The following UHRF2 variants were observed in gnomAD, a reference collection of about 807,000 sequenced individuals.
The protein encoded by UHRF2 is E3 ubiquitin-protein ligase UHRF2.
A neutral mutation model predicts 96.8 loss-of-function variants in UHRF2; 23 were observed. The observed-to-expected ratio is 0.24, with a 90% CI of 0.17 to 0.34. The LOEUF is 0.34. Among genes scored for constraint, UHRF2 ranks in the 10% least tolerant of loss-of-function variants. The pLI, the probability that UHRF2 is intolerant of heterozygous loss-of-function variation, is 1.00. For synonymous variants in UHRF2, 385 were observed against 332.6 expected (o/e 1.16, Z -1.72); for missense variants, 685 against 981.5 (o/e 0.70, Z 4.04).
At chr9:6,478,862 CAT>C (rs1029172931) in intron 6 of UHRF2, among the ~76,000 whole-genome samples, 31 of 152,306 alleles carry the variant, frequency 2.0e-4, no homozygotes, top group African/African-American at 7.0e-4. Flanking sequence ...ACTACTACCT[CAT>C]ATGATCACAC....
intron 9 of UHRF2, among the ~76,000 whole-genome samples, chr9:6,493,364 C>A (rs1824782749): frequency 6.6e-6 from 1 of 151,852 alleles, no homozygotes; most frequent in Admixed American, 6.6e-5. Flanking sequence ...ATTGTCAATG[C>A]CAGAATTTGA....
At chr9:6,428,913 C>G (rs1458947654) in intron 2 of UHRF2, among the ~76,000 whole-genome samples, 1 of 152,080 alleles carries the variant, frequency 6.6e-6, no homozygotes, top group Non-Finnish European at 1.5e-5. Flanking sequence ...CCTGTAATCC[C>G]AGCACTTTGG....
At chr9:6,505,319 G>A (rs745387272) in intron 15 of UHRF2, among the ~76,000 whole-genome samples, 3 of 151,408 alleles carry the variant, frequency 2.0e-5, no homozygotes, top group African/African-American at 4.9e-5. Flanking sequence ...ATTTTTTGAC[G>A]GAATCTCACT....
intron 3 of UHRF2, among the ~76,000 whole-genome samples, chr9:6,435,117 C>G (rs1310922382): frequency 6.6e-6 from 1 of 152,046 alleles, no homozygotes; most frequent in Non-Finnish European, 1.5e-5. Context: ...CCTCAGCCTC[C>G]CGAGTAGCTA....
chr9:6,497,764 G>A (rs898837783), intron 11 of UHRF2, among the ~76,000 whole-genome samples: 4 of 152,004 alleles, frequency 2.6e-5, no homozygotes, highest in African/African-American at 4.8e-5. Flanking sequence ...CCATCTTTAC[G>A]ATACAAAATT....
At chr9:6,422,417 T>G (rs1366593547) in intron 2 of UHRF2, among the ~76,000 whole-genome samples, 1 of 152,008 alleles carries the variant, frequency 6.6e-6, no homozygotes, top group Non-Finnish European at 1.5e-5. Context: ...CTCCCCAATT[T>G]CTTTCCTCTT....
chr9:6,471,261 G>C (rs765032760), intron 4 of UHRF2, among the ~76,000 whole-genome samples: 37 of 152,306 alleles, frequency 2.4e-4, no homozygotes, highest in Non-Finnish European at 2.1e-4. Flanking sequence ...GACCTGTGTA[G>C]TATCAGTGGC....
intron 3 of UHRF2, among the ~76,000 whole-genome samples, chr9:6,451,389 C>A (rs142647179): frequency 3.3e-5 from 5 of 151,912 alleles, no homozygotes; most frequent in African/African-American, 9.7e-5. Context: ...AGTTAAATCT[C>A]CAAAACAAAA....
chr9:6,434,088 A>C lies in UHRF2; in HGVS notation c.559A>C (p.Asn187His), dbSNP rs142772533. ...NIKHKSKENT[N>H]KLDSVPSTSN... ...AAAGCATAAATCCAAAGAGAACACA[A>C]ATAAATTGGACAGTGTACCCTCTAC... Residue 187 changes from asparagine (N) to histidine (H), a missense_variant, in exon 3 of 16, where the codon AAT becomes CAT. Physicochemically the swap from Asn to His is moderately conservative, Grantham distance 68. This residue lies in a region of UHRF2 where 391 missense variants were observed against 437.0 expected (regional missense o/e 0.89). Transcript: ENST00000276893. The C allele has an allele frequency of 2.6e-4, 420 of 1,614,024 alleles. No homozygotes were observed. The highest frequency in any genetic ancestry group is 3.3e-4 in the Non-Finnish European group (386 of 1,180,020).
intron 3 of UHRF2, among the ~76,000 whole-genome samples, chr9:6,448,585 C>T (rs1821661639): frequency 6.6e-6 from 1 of 152,114 alleles, no homozygotes; most frequent in South Asian, 2.1e-4. Context: ...TATATGTGAA[C>T]GCTTAATGCA....
At chr9:6,442,334 A>G (rs1024409456) in intron 3 of UHRF2, among the ~76,000 whole-genome samples, 4 of 152,218 alleles carry the variant, frequency 2.6e-5, no homozygotes, top group Admixed American at 2.6e-4. Context: ...CCCTGATTGT[A>G]AAATGCTTTT....
At chr9:6,503,193 G>T (rs555139185) in intron 14 of UHRF2, among the ~76,000 whole-genome samples, 92 of 152,064 alleles carry the variant, frequency 6.1e-4, no homozygotes, top group African/African-American at 1.9e-3. Context: ...GACGGTTTTG[G>T]CCATGTTGGC....
At chr9:6,481,560 T>C in intron 6 of UHRF2, 83 bp from the exon 7 acceptor site, 1 of 1,511,398 alleles carries the variant, frequency 6.6e-7, no homozygotes. Flanking sequence ...TAAAACTTGC[T>C]CTTACCTAGG....
intron 8 of UHRF2, among the ~76,000 whole-genome samples, chr9:6,485,857 C>T (rs1824259754): frequency 7.7e-6 from 1 of 130,258 alleles, no homozygotes; most frequent in Admixed American, 8.0e-5. Flanking sequence ...GTATGACCAA[C>T]AGATGAACTG....
intron 8 of UHRF2, 33 bp downstream of exon 8, chr9:6,482,132 A>G: frequency 6.5e-7 from 1 of 1,535,110 alleles, no homozygotes; most frequent in Admixed American, 1.7e-5. Context: ...TTGAAAGGGG[A>G]GAATTGGCTA....
chr9:6,462,097 A>T lies in UHRF2; in HGVS notation c.863+1306A>T, dbSNP rs191619787. On this transcript the variant is annotated intron_variant, in intron 4 of 15. Transcript: ENST00000276893. ...GGTGACAAATCTTGGAACAATGATT[A>T]AAAATCTAAAGCGAGGATAGGCAAG... Among the ~76,000 whole-genome samples the T allele has an allele frequency of 3.9e-3, 599 of 152,314 alleles. 29 individuals carry two copies. Among genetic ancestry groups the T allele is most frequent in the Admixed American group, 0.036 (552 of 15,304 alleles).
intron 1 of UHRF2, 176 bp downstream of exon 1, chr9:6,413,819 G>T: frequency 1.3e-6 from 1 of 766,548 alleles, no homozygotes. Context: ...CGAATGGTGG[G>T]GAGTGGGTCC....
Position 6,499,824 on chromosome 9 carries a change from C to T in UHRF2, c.1909-11C>T, listed in dbSNP as rs747579691. ...ATCTGCATTGTACTCTCCCTCCTCC[C>T]CCCCCATCAGTATCCAGCAGGTTAC... On this transcript the variant is annotated splice_polypyrimidine_tract_variant and intron_variant, in intron 12 of 15. Coordinates refer to ENST00000276893, the MANE Select transcript of UHRF2 (RefSeq NM_152896.3). 3 of 1,582,588 alleles carry T rather than the reference C, an allele frequency of 1.9e-6. No homozygotes were observed. Among genetic ancestry groups the T allele is most frequent in the Non-Finnish European group, 1.7e-6 (2 of 1,156,762 alleles).
chr9:6,487,035 T>C, intron 9 of UHRF2, 110 bp downstream of exon 9: 1 of 967,076 alleles, frequency 1.0e-6, no homozygotes, highest in Non-Finnish European at 1.6e-6. Context: ...AGCACAGTTT[T>C]TGTTGAAGTA....
Sources: allele counts gnomAD v4.1 joint callset (sites outside exome capture counted in the v4.1 genomes callset), GRCh38; gene constraint gnomAD v4.1.1; regional missense constraint gnomAD v4.1.1; transcripts MANE v1.5; gene names NCBI Gene and HGNC (gene_info 2026-07-23, HGNC 2026-07-21).